KCNT2: variants seen among roughly 807,000 people sequenced by gnomAD.
KCNT2 encodes potassium channel subfamily T member 2.
KCNT2 carries 67 observed loss-of-function variants against 153.8 expected under a neutral mutation model. The ratio of observed to expected loss-of-function variants is 0.44; its 90% CI spans 0.36 to 0.53. KCNT2 has a LOEUF of 0.53. KCNT2 is among the 20% of genes least tolerant of loss of function. The probability of loss-of-function intolerance (pLI) is 0.00; values close to 1 mark genes in which losing one functional copy is unlikely to be tolerated. For missense variants in KCNT2, 975 were observed against 1,354.8 expected, an observed-to-expected ratio of 0.72 and a Z score of 4.40; for synonymous variants, 500 against 458.8, an observed-to-expected ratio of 1.09 and a Z score of -1.15.
At chr1:196,280,746 G>C in intron 25 of KCNT2, 114 bp downstream of exon 25, 1 of 1,005,760 alleles carries the variant, frequency 9.9e-7, no homozygotes, top group Non-Finnish European at 1.5e-6. Context: ...ACGTATTCAG[G>C]TAGCATTCTT....
At chr1:196,283,170 G>T (rs1304724595) in intron 23 of KCNT2, among the ~76,000 whole-genome samples, 1 of 152,192 alleles carries the variant, frequency 6.6e-6, no homozygotes, top group African/African-American at 2.4e-5. Flanking sequence ...AAAAATTAAG[G>T]AGGTGGCTCA....
chr1:196,501,428 AAT>A (rs763093795), intron 1 of KCNT2, among the ~76,000 whole-genome samples: 7 of 152,208 alleles, frequency 4.6e-5, no homozygotes, highest in Non-Finnish European at 8.8e-5. Flanking sequence ...ATAATGAAAT[AAT>A]ATCTTTTTCA....
chr1:196,459,816 T>C (rs1367675771), intron 8 of KCNT2, among the ~76,000 whole-genome samples: 1 of 151,772 alleles, frequency 6.6e-6, no homozygotes, highest in Admixed American at 6.6e-5. Context: ...ACATTTGAAG[T>C]CCTCTAATCA....
At chr1:196,362,761 G>C (rs1017101565) in intron 14 of KCNT2, among the ~76,000 whole-genome samples, 2 of 152,058 alleles carry the variant, frequency 1.3e-5, no homozygotes, top group African/African-American at 4.8e-5. Flanking sequence ...GTTTCAGGCA[G>C]TCATTTTGTA....
chr1:196,505,067 G>A (rs1157054090), intron 1 of KCNT2, among the ~76,000 whole-genome samples: 4 of 151,726 alleles, frequency 2.6e-5, no homozygotes. Context: ...TTCTTTTGCT[G>A]TGCAGAAGCT....
chr1:196,288,601 T>C (rs1260517191), intron 22 of KCNT2, among the ~76,000 whole-genome samples: 1 of 152,074 alleles, frequency 6.6e-6, no homozygotes, highest in Non-Finnish European at 1.5e-5. Flanking sequence ...GAATGTACAT[T>C]CTACTGTGGT....
chr1:196,532,993 A>G (rs993584952), intron 1 of KCNT2, among the ~76,000 whole-genome samples: 1 of 152,114 alleles, frequency 6.6e-6, no homozygotes, highest in African/African-American at 2.4e-5. Flanking sequence ...TCAAAACCAA[A>G]GAAAATTCTC....
intron 25 of KCNT2, among the ~76,000 whole-genome samples, chr1:196,261,104 T>C (rs1037881591): frequency 2.0e-5 from 3 of 151,808 alleles, no homozygotes; most frequent in Admixed American, 2.0e-4. Context: ...TCATTTCTTC[T>C]TCTAGTTGTA....
intron 13 of KCNT2, among the ~76,000 whole-genome samples, chr1:196,395,857 G>A (rs991828646): frequency 6.6e-6 from 1 of 151,742 alleles, no homozygotes; most frequent in Admixed American, 6.6e-5. Flanking sequence ...AAATGGAAAT[G>A]CAAATGCCTC....
intron 1 of KCNT2, among the ~76,000 whole-genome samples, chr1:196,503,925 C>T (rs890313723): frequency 8.5e-5 from 13 of 152,086 alleles, no homozygotes; most frequent in African/African-American, 3.1e-4. Context: ...TAAGATTTCT[C>T]TTAGTATGTA....
chr1:196,490,712 G>C lies in KCNT2; in HGVS notation c.176-775C>G, dbSNP rs537059731. ...AAACTGTGTGGGTCACAATTATGCA[G>C]CCTGTAATATTCAATGATGATGAAG... On this transcript the variant is annotated intron_variant, in intron 2 of 27. Transcript: ENST00000294725. Among the ~76,000 whole-genome samples the C allele has an allele frequency of 1.1e-4, 17 of 151,864 alleles. No homozygotes were observed. The South Asian group carries it at 3.3e-3, about 30-fold the overall frequency.
chr1:196,430,305 T>C (rs933979191), intron 8 of KCNT2, among the ~76,000 whole-genome samples: 9 of 152,146 alleles, frequency 5.9e-5, no homozygotes, highest in African/African-American at 2.2e-4. Flanking sequence ...AAGAGGTGTT[T>C]AGGTCATAAG....
intron 13 of KCNT2, among the ~76,000 whole-genome samples, chr1:196,389,029 A>G (rs1384528543): frequency 2.0e-5 from 3 of 151,778 alleles, no homozygotes; most frequent in Non-Finnish European, 4.4e-5. Flanking sequence ...TATTTCCAGT[A>G]TGCACAAATT....
intron 12 of KCNT2, among the ~76,000 whole-genome samples, chr1:196,413,888 C>A (rs1326425964): frequency 1.3e-5 from 2 of 151,558 alleles, no homozygotes; most frequent in African/African-American, 4.8e-5. Flanking sequence ...ATGCCCCCCT[C>A]CAATCAGAAA....
intron 14 of KCNT2, among the ~76,000 whole-genome samples, chr1:196,372,677 T>C (rs1668636677): frequency 6.6e-6 from 1 of 151,966 alleles, no homozygotes; most frequent in African/African-American, 2.4e-5. Flanking sequence ...TTTGTTATTA[T>C]TCTATTATAA....
chr1:196,353,804 C>A (rs1304405230), intron 14 of KCNT2, among the ~76,000 whole-genome samples: 1 of 151,884 alleles, frequency 6.6e-6, no homozygotes, highest in East Asian at 1.9e-4. Context: ...CAATACAGAC[C>A]TCTGAATGCA....
intron 14 of KCNT2, among the ~76,000 whole-genome samples, chr1:196,367,258 T>C (rs1278237984): frequency 6.6e-6 from 1 of 152,160 alleles, no homozygotes; most frequent in African/African-American, 2.4e-5. Context: ...AACTATACCA[T>C]AGGTATACGT....
chr1:196,279,388 G>T (rs1445359239), intron 25 of KCNT2, among the ~76,000 whole-genome samples: 1 of 151,854 alleles, frequency 6.6e-6, no homozygotes, highest in African/African-American at 2.4e-5. Context: ...CTCAGACTCA[G>T]GAGGAGAGAC....
chr1:196,599,579 AG>A (rs1664480225), intron 1 of KCNT2, among the ~76,000 whole-genome samples: 5 of 152,248 alleles, frequency 3.3e-5, no homozygotes, highest in Admixed American at 2.6e-4. Context: ...GCATAATTGC[AG>A]TAGTGCTAAG....
Sources: allele counts gnomAD v4.1 joint callset (sites outside exome capture counted in the v4.1 genomes callset), GRCh38; gene constraint gnomAD v4.1.1; transcripts MANE v1.5; gene names NCBI Gene and HGNC (gene_info 2026-07-23, HGNC 2026-07-21).